Variants in ELK3 observed in about 807,000 individuals in gnomAD.
ELK3 encodes ETS domain-containing protein Elk-3.
ELK3 carries 10 observed loss-of-function variants against 28.9 expected under a neutral mutation model. The ratio of observed to expected loss-of-function variants is 0.35; its 90% CI spans 0.21 to 0.59. The LOEUF is 0.59. ELK3 is among the 20% of genes least tolerant of loss of function. The pLI, the probability that ELK3 is intolerant of heterozygous loss-of-function variation, is 0.82. For missense variants in ELK3, 463 were observed against 517.3 expected, an observed-to-expected ratio of 0.90 and a Z score of 1.02; for synonymous variants, 272 against 243.5, an observed-to-expected ratio of 1.12 and a Z score of -1.09.
At chr12:96,210,963 A>G (rs1361058932) in intron 1 of ELK3, among the ~76,000 whole-genome samples, 1 of 152,224 alleles carries the variant, frequency 6.6e-6, no homozygotes, top group African/African-American at 2.4e-5. Flanking sequence ...TACTGGGGGC[A>G]TATGCGCGTT....
intron 1 of ELK3, among the ~76,000 whole-genome samples, chr12:96,218,594 T>A (rs1196646736): frequency 6.6e-6 from 1 of 151,700 alleles, no homozygotes; most frequent in Non-Finnish European, 1.5e-5. Context: ...CAAACATGCA[T>A]GTATACCCCC....
intron 1 of ELK3, among the ~76,000 whole-genome samples, chr12:96,218,569 A>G (rs936444252): frequency 1.5e-4 from 23 of 152,140 alleles, no homozygotes; most frequent in African/African-American, 4.8e-4. Flanking sequence ...GCCATTATGC[A>G]GTATACCCAT....
At chr12:96,256,591 G>C (rs1951950897) in intron 3 of ELK3, among the ~76,000 whole-genome samples, 1 of 152,194 alleles carries the variant, frequency 6.6e-6, no homozygotes, top group Non-Finnish European at 1.5e-5. Context: ...GTATTTAGGA[G>C]ATGAAAGTAC....
intron 1 of ELK3, among the ~76,000 whole-genome samples, chr12:96,205,378 G>A (rs1299289775): frequency 6.6e-6 from 1 of 152,168 alleles, no homozygotes; most frequent in Non-Finnish European, 1.5e-5. Context: ...TAGAATTCGT[G>A]AGCACTGGGA....
intron 2 of ELK3, among the ~76,000 whole-genome samples, chr12:96,228,993 A>T (rs1387306858): frequency 6.6e-6 from 1 of 152,220 alleles, no homozygotes; most frequent in Non-Finnish European, 1.5e-5. Flanking sequence ...TATAAAACTG[A>T]CTGTATTATG....
intron 3 of ELK3, among the ~76,000 whole-genome samples, chr12:96,253,964 A>C (rs542560355): frequency 6.6e-6 from 1 of 152,338 alleles, no homozygotes; most frequent in South Asian, 2.1e-4. Flanking sequence ...GTTATAATTT[A>C]GGGTGGTGTG....
chr12:96,196,939 A>G (rs532143283), intron 1 of ELK3, among the ~76,000 whole-genome samples: 30 of 152,220 alleles, frequency 2.0e-4, no homozygotes, highest in African/African-American at 6.3e-4. Flanking sequence ...CGACCGGGGT[A>G]TGAGTCAGTG....
intron 1 of ELK3, among the ~76,000 whole-genome samples, chr12:96,215,670 C>G (rs1325802549): frequency 1.4e-5 from 2 of 143,286 alleles, no homozygotes; most frequent in African/African-American, 5.2e-5. Flanking sequence ...TGGTCTCGCT[C>G]TGTCACCCAG....
chr12:96,240,593 C>G (rs1019132253), intron 2 of ELK3, among the ~76,000 whole-genome samples: 24 of 152,310 alleles, frequency 1.6e-4, no homozygotes, highest in African/African-American at 5.8e-4. Context: ...AGGTCCCCTG[C>G]TCTGTCCCCC....
At chr12:96,251,295 A>G (rs1339050682) in intron 3 of ELK3, among the ~76,000 whole-genome samples, 3 of 152,068 alleles carry the variant, frequency 2.0e-5, no homozygotes, top group Admixed American at 6.5e-5. Context: ...GTGTGTCCCA[A>G]CTGCTCTCCT....
rs529101765 is a variant in ELK3 at position 96,238,312 on chromosome 12, C to G, written c.208-8628C>G. Among the ~76,000 whole-genome samples the G allele has an allele frequency of 5.3e-5, 8 of 152,228 alleles. No individual in the cohort carries two copies. The East Asian group carries it at 1.5e-3, about 29-fold the overall frequency. ...ATTAGCCTATGGGGTATTTTTATTC[C>G]CATTTTAGGGGTGAGCAAACTGAGC... On this transcript the variant is annotated intron_variant, in intron 2 of 4. Coordinates refer to ENST00000228741, the MANE Select transcript of ELK3 (RefSeq NM_005230.4).
intron 3 of ELK3, 78 bp from the exon 4 acceptor site, chr12:96,259,653 C>CCTCT (rs1239954721): frequency 6.1e-6 from 9 of 1,482,420 alleles, no homozygotes; most frequent in Non-Finnish European, 8.1e-6. Context: ...GCCTACCTAA[C>CCTCT]CTCTCTCTGC....
chr12:96,264,272 C>T (rs367890655), intron 4 of ELK3, among the ~76,000 whole-genome samples: 1 of 152,056 alleles, frequency 6.6e-6, no homozygotes, highest in African/African-American at 2.4e-5. Context: ...CAGGTGTCAA[C>T]GACCATACCT....
Position 96,247,017 on chromosome 12 carries a change from T to C in ELK3, c.285T>C (p.Pro95=). The C allele has an allele frequency of 6.2e-7, 1 of 1,614,186 alleles. No individual in the cohort carries two copies. Among genetic ancestry groups the C allele is most frequent in the Non-Finnish European group, 8.5e-7 (1 of 1,180,008 alleles). The change falls in exon 3 of 5, where the codon CCT becomes CCC. Residue 95 remains proline, a synonymous_variant. Transcript: ENST00000228741. This position sits in a 1 kb window ranked among gnomAD's most constrained non-coding sequence, Gnocchi z 5.5. ...VSFPEILKMD[P]HAVEISRESL... ...TCCCGGAGATCCTGAAGATGGATCCTCACGCGGTGGAGATCAGCCGGGAGA... is the reference window on the plus strand; with the variant it reads ...TCCCGGAGATCCTGAAGATGGATCCCCACGCGGTGGAGATCAGCCGGGAGA...
At chr12:96,234,632 G>T (rs922873823) in intron 2 of ELK3, among the ~76,000 whole-genome samples, 1 of 152,182 alleles carries the variant, frequency 6.6e-6, no homozygotes, top group African/African-American at 2.4e-5. Context: ...GCAGCATTTT[G>T]TTTTAAGCCA....
At chr12:96,252,150 C>A (rs915446904) in intron 3 of ELK3, among the ~76,000 whole-genome samples, 1 of 152,198 alleles carries the variant, frequency 6.6e-6, no homozygotes, top group Admixed American at 6.5e-5. Context: ...AAAGTCTGGA[C>A]GACAGCACAT....
chr12:96,199,111 G>C (rs1951492157), intron 1 of ELK3, among the ~76,000 whole-genome samples: 1 of 152,162 alleles, frequency 6.6e-6, no homozygotes. Context: ...TTAAGGATGA[G>C]TCATGATTTG....
chr12:96,262,715 T>C (rs1237854987), intron 4 of ELK3, among the ~76,000 whole-genome samples: 1 of 152,176 alleles, frequency 6.6e-6, no homozygotes, highest in Non-Finnish European at 1.5e-5. Context: ...CAACAAAATA[T>C]GGTAGAGGAA....
intron 2 of ELK3, among the ~76,000 whole-genome samples, chr12:96,230,578 C>T (rs949365337): frequency 6.6e-6 from 1 of 152,144 alleles, no homozygotes; most frequent in Non-Finnish European, 1.5e-5. Flanking sequence ...TGAGCCAAGT[C>T]CCCAGGGTGG....
Sources: gnomAD v4.1 joint callset for allele counts (sites outside exome capture counted in the v4.1 genomes callset) on GRCh38, gnomAD v4.1.1 for gene constraint, Gnocchi (gnomAD v3.1) non-coding constraint, MANE v1.5 for transcripts, NCBI Gene and HGNC (gene_info 2026-07-23, HGNC 2026-07-21) for gene names.